Variants in PPP2R5C observed in about 807,000 individuals in gnomAD.
PPP2R5C encodes the protein serine/threonine-protein phosphatase 2A 56 kDa regulatory subunit gamma isoform.
In PPP2R5C, 7 loss-of-function variants were observed where a neutral mutation model predicts 68.9. The observed-to-expected ratio is 0.10, with a 90% CI of 0.06 to 0.19. The LOEUF (loss-of-function observed/expected upper bound fraction) is 0.19. Among genes scored for constraint, PPP2R5C ranks in the 10% least tolerant of loss-of-function variants. The pLI is 1.00. For missense variants in PPP2R5C, 348 were observed against 641.3 expected (o/e 0.54, Z 4.94); for synonymous variants, 210 against 222.2 (o/e 0.95, Z 0.49).
intron 2 of PPP2R5C, among the ~76,000 whole-genome samples, chr14:101,864,502 G>C (rs2042939892): frequency 6.6e-6 from 1 of 152,212 alleles, no homozygotes; most frequent in Admixed American, 6.5e-5. Flanking sequence ...CAGACGTAAT[G>C]ATACGAGGGC....
intron 8 of PPP2R5C, among the ~76,000 whole-genome samples, chr14:101,897,275 A>T (rs912825473): frequency 5.3e-5 from 8 of 152,244 alleles, no homozygotes; most frequent in Non-Finnish European, 1.2e-4. Flanking sequence ...GGAAAAAGAA[A>T]AATGAACAGT....
At chr14:101,831,939 G>A (rs931152708) in intron 1 of PPP2R5C, 76 of 541,764 alleles carry the variant, frequency 1.4e-4, no homozygotes, top group African/African-American at 1.3e-3. Flanking sequence ...CAGCTTTGAA[G>A]GCAAAACTTA....
chr14:101,845,092 C>A (rs1219093876), intron 1 of PPP2R5C, among the ~76,000 whole-genome samples: 1 of 151,564 alleles, frequency 6.6e-6, no homozygotes, highest in African/African-American at 2.4e-5. Context: ...GGATTTATAT[C>A]TTTATCCCTA....
chr14:101,844,346 A>C (rs927896049), intron 1 of PPP2R5C, among the ~76,000 whole-genome samples: 1 of 152,046 alleles, frequency 6.6e-6, no homozygotes, highest in Admixed American at 6.5e-5. Context: ...CAGAGATTGG[A>C]CACACACGTG....
chr14:101,849,206 G>A (rs1217046558), intron 1 of PPP2R5C, among the ~76,000 whole-genome samples: 2 of 152,168 alleles, frequency 1.3e-5, no homozygotes, highest in Non-Finnish European at 2.9e-5. Context: ...GTTGTGCTGT[G>A]GACATTCCTT....
intron 8 of PPP2R5C, among the ~76,000 whole-genome samples, chr14:101,896,636 C>CAA (rs34603513): frequency 0.12 from 13,113 of 110,004 alleles, 1,310 homozygotes; most frequent in African/African-American, 0.26. Flanking sequence ...ACCCTGTCTC[C>CAA]AAAAAAAAAA....
chr14:101,919,980 A>ACAAAAAAAAAAC (rs1422138264), intron 13 of PPP2R5C, among the ~76,000 whole-genome samples: 1 of 114,144 alleles, frequency 8.8e-6, no homozygotes. Context: ...AAAAAAAAAA[A>ACAAAAAAAAAAC]AAAAAAAAAA....
Position 101,798,343 on chromosome 14 carries a change from G to A in PPP2R5C, c.259+12160G>A, listed in dbSNP as rs575938512. Among the ~76,000 whole-genome samples, 11 of 152,294 alleles carry A rather than the reference G, an allele frequency of 7.2e-5. No homozygotes were observed. In the East Asian group the frequency reaches 1.5e-3, roughly 21 times the overall value. ...AAAATAAAACCTTCAGCTGAATGAT[G>A]TAGAAATGAAAATTTGAAAGTTTTA... is the stretch of plus-strand genomic sequence containing the variant. On this transcript the variant is annotated intron_variant, in intron 3 of 14. Transcript: ENST00000328724.
intron 1 of PPP2R5C, among the ~76,000 whole-genome samples, chr14:101,837,047 G>A (rs1402283299): frequency 1.3e-5 from 2 of 152,242 alleles, no homozygotes; most frequent in Admixed American, 6.5e-5. Flanking sequence ...TCATGTGGTA[G>A]ACATAAGTTG....
chr14:101,822,063 A>C (rs112931491), intron 1 of PPP2R5C, among the ~76,000 whole-genome samples: 8,315 of 74,900 alleles, frequency 0.11, 341 homozygotes, highest in African/African-American at 0.2. Context: ...TAGTGACCCC[A>C]CCACCACCAC....
At chr14:101,775,361 T>G (rs1481157256) in intron 2 of PPP2R5C, among the ~76,000 whole-genome samples, 3 of 152,158 alleles carry the variant, frequency 2.0e-5, no homozygotes, top group Non-Finnish European at 4.4e-5. Context: ...AGTTGCCCAT[T>G]TTGCTGTTTC....
intron 2 of PPP2R5C, among the ~76,000 whole-genome samples, chr14:101,778,657 G>A (rs752284204): frequency 2.6e-5 from 4 of 152,116 alleles, no homozygotes; most frequent in African/African-American, 9.7e-5. Context: ...TGTTAAAGAC[G>A]CTGTTCTTTC....
chr14:101,836,239 G>T, intron 1 of PPP2R5C: 1 of 702,736 alleles, frequency 1.4e-6, no homozygotes, highest in Non-Finnish European at 2.6e-6. Context: ...AGCTGTGGCC[G>T]CCTACGGAGC....
rs952819527 is a variant in PPP2R5C, at chr14:101,825,689, C to G, written c.94+15653C>G. ...CCAGTTTTGTTGTATTTCAGATATT[C>G]TCACTGTGTAGTTAGCCTGTTCAGT... On this transcript the variant is annotated intron_variant, in intron 1 of 13. Coordinates refer to ENST00000334743, the Ensembl canonical transcript of PPP2R5C. The surrounding 1 kb of genome is among the most constrained non-coding windows in gnomAD (Gnocchi z 4.0). Among the ~76,000 whole-genome samples, 17 of 152,292 alleles carry G rather than the reference C, an allele frequency of 1.1e-4. No homozygotes were observed. Among genetic ancestry groups the G allele is most frequent in the African/African-American group, 4.1e-4 (17 of 41,566 alleles).
At chr14:101,911,517 C>T (rs2046389675) in intron 11 of PPP2R5C, among the ~76,000 whole-genome samples, 1 of 152,128 alleles carries the variant, frequency 6.6e-6, no homozygotes, top group Non-Finnish European at 1.5e-5. Context: ...ATGGCAGATC[C>T]TCCTCTCGTG....
At chr14:101,843,796 A>T (rs1415518093) in intron 1 of PPP2R5C, 6 of 225,510 alleles carry the variant, frequency 2.7e-5, no homozygotes, top group Non-Finnish European at 4.6e-5. Flanking sequence ...CCAGGGGGAG[A>T]TCGCTTTCCA....
intron 11 of PPP2R5C, 151 bp downstream of exon 13, chr14:101,909,841 T>C: frequency 2.1e-6 from 1 of 471,414 alleles, no homozygotes; most frequent in Non-Finnish European, 3.7e-6. Context: ...AACTGTGTTA[T>C]AATAACGTAT....
chr14:101,905,088 T>C (rs1489245770), intron 9 of PPP2R5C, among the ~76,000 whole-genome samples: 1 of 152,242 alleles, frequency 6.6e-6, no homozygotes, highest in African/African-American at 2.4e-5. Context: ...GTGCAGTGGC[T>C]CACGCCTGTA....
At position 101,915,145 on chromosome 14, in the gene PPP2R5C, C is replaced by T. The variant is rs1678010; in HGVS notation, c.1326+2672C>T. 0.011 allele frequency among the ~76,000 whole-genome samples: 1,648 copies of T among 152,252 alleles called. 36 individuals are homozygous for T. Among genetic ancestry groups the T allele is most frequent in the African/African-American group, 0.038 (1,559 of 41,524 alleles). On this transcript the variant is annotated intron_variant, in intron 12 of 13. Transcript: ENST00000334743. The surrounding 1 kb of genome is among the most constrained non-coding windows in gnomAD (Gnocchi z 4.2). ...AGGCTGGAGTGCAGTGGCGTGATCT[C>T]GGCTCACCACAACCTCCGCCTCCCA...
Sources: gnomAD v4.1 joint callset for allele counts (sites outside exome capture counted in the v4.1 genomes callset) on GRCh38, gnomAD v4.1.1 for gene constraint, Gnocchi (gnomAD v3.1) non-coding constraint, MANE v1.5 for transcripts, NCBI Gene and HGNC (gene_info 2026-07-23, HGNC 2026-07-21) for gene names.